The following CDK5RAP2 variants were observed in gnomAD, a reference collection of about 807,000 sequenced individuals.
CDK5RAP2 encodes CDK5 regulatory subunit-associated protein 2.
A neutral mutation model predicts 232.9 loss-of-function variants in CDK5RAP2; 147 were observed. That is an observed-to-expected ratio of 0.63 (90% CI 0.55 to 0.72). CDK5RAP2 has a LOEUF of 0.72. Ranked by LOEUF, CDK5RAP2 falls within the 30% of genes least tolerant of loss-of-function variation. The pLI is 0.00. For synonymous variants in CDK5RAP2, 833 were observed against 833.7 expected (o/e 1.00, Z 0.01); for missense variants, 2,195 against 2,231.5 (o/e 0.98, Z 0.33).
At chr9:120,553,127 TTAAAG>T (rs1164603762) in intron 3 of CDK5RAP2, among the ~76,000 whole-genome samples, 2 of 152,178 alleles carry the variant, frequency 1.3e-5, no homozygotes, top group Admixed American at 1.3e-4. Flanking sequence ...ATCTCAATTC[TTAAAG>T]TAACACTGCA....
At chr9:120,458,395 G>C (rs2036901751) in intron 20 of CDK5RAP2, 55 bp downstream of exon 20, 1 of 1,559,324 alleles carries the variant, frequency 6.4e-7, no homozygotes, top group Admixed American at 1.7e-5. Context: ...AGCAAAATGA[G>C]TTTGTTCTCC....
At chr9:120,486,913 G>A (rs1246617105) in intron 14 of CDK5RAP2, among the ~76,000 whole-genome samples, 1 of 152,200 alleles carries the variant, frequency 6.6e-6, no homozygotes, top group African/African-American at 2.4e-5. Context: ...GGCGACGAAA[G>A]AAAATGAGAT....
rs1034427774 is a variant in CDK5RAP2, at chr9:120,533,216, A to C, written c.663-3076T>G. ...ATCTATCCCCTCCCACACTGAGAGC[A>C]CCATAGAAGCAGGACAACGTTCAGC... On this transcript the variant is annotated intron_variant, in intron 7 of 37. Coordinates refer to ENST00000349780, the MANE Select transcript of CDK5RAP2 (RefSeq NM_018249.6). Among the ~76,000 whole-genome samples, 20 of 152,056 alleles carry C rather than the reference A, an allele frequency of 1.3e-4. 1 individual carries two copies.
intron 25 of CDK5RAP2, among the ~76,000 whole-genome samples, chr9:120,430,811 A>T (rs2035239946): frequency 6.6e-6 from 1 of 152,176 alleles, no homozygotes; most frequent in South Asian, 2.1e-4. Flanking sequence ...ACACATGCAC[A>T]CATATGTTTA....
At chr9:120,504,549 A>G (rs1050542408) in intron 12 of CDK5RAP2, among the ~76,000 whole-genome samples, 4 of 152,200 alleles carry the variant, frequency 2.6e-5, no homozygotes, top group Non-Finnish European at 5.9e-5. Context: ...GCTCCCAGCC[A>G]GTCAGCTGCA....
At chr9:120,408,088 T>A in intron 31 of CDK5RAP2, 1 of 505,702 alleles carries the variant, frequency 2.0e-6, no homozygotes, top group South Asian at 2.0e-5. Context: ...AGTGGCCTAC[T>A]GAGGGTCACA....
chr9:120,457,138 C>A (rs983362565), intron 20 of CDK5RAP2, among the ~76,000 whole-genome samples: 5 of 152,064 alleles, frequency 3.3e-5, no homozygotes, highest in African/African-American at 1.2e-4. Context: ...TTTTAAAAAC[C>A]CATTTTACAG....
intron 20 of CDK5RAP2, among the ~76,000 whole-genome samples, chr9:120,456,734 T>C (rs1194872520): frequency 9.9e-5 from 15 of 152,194 alleles, no homozygotes. Context: ...GTAATGACAA[T>C]TGTTATTTGG....
At chr9:120,497,133 A>T (rs1305404285) in intron 12 of CDK5RAP2, among the ~76,000 whole-genome samples, 2 of 130,260 alleles carry the variant, frequency 1.5e-5, no homozygotes, top group East Asian at 5.1e-4. Flanking sequence ...GCTCTCTGAA[A>T]CATGTGCTGT....
Position 120,388,992 on chromosome 9 carries a change from G to C in CDK5RAP2, c.*244C>G, listed in dbSNP as rs896884575. 1.7e-6 allele frequency: 1 copy of C among 585,058 alleles called. No individual in the cohort carries two copies. Among genetic ancestry groups the C allele is most frequent in the Non-Finnish European group, 3.0e-6 (1 of 330,214 alleles). 36.2% of individuals were successfully genotyped at this position (585,058 alleles called of 1,614,324 possible). ...GCGCACAGCCTCAACTCCGGTGCCT[G>C]CCCCTGATCTGAAATACAACATCCA... On this transcript the variant is annotated 3_prime_UTR_variant, in exon 38 of 38. Coordinates refer to ENST00000349780, the MANE Select transcript of CDK5RAP2 (RefSeq NM_018249.6).
chr9:120,491,147 C>CT (rs898058962), intron 13 of CDK5RAP2, among the ~76,000 whole-genome samples, 160 bp downstream of exon 13: 4 of 152,166 alleles, frequency 2.6e-5, no homozygotes, highest in Non-Finnish European at 5.9e-5. Context: ...CCACACTTAC[C>CT]TCCCTGGTGG....
chr9:120,478,484 T>C (rs2038136228), intron 14 of CDK5RAP2, among the ~76,000 whole-genome samples: 1 of 152,122 alleles, frequency 6.6e-6, no homozygotes, highest in African/African-American at 2.4e-5. Flanking sequence ...TATGTAACAA[T>C]ACCCTGGCCA....
chr9:120,573,548 CAA>C (rs751907820), intron 1 of CDK5RAP2, among the ~76,000 whole-genome samples: 2 of 91,790 alleles, frequency 2.2e-5, no homozygotes, highest in Admixed American at 1.2e-4. Context: ...GACTCCATCT[CAA>C]AAAAAAAAAA....
At chr9:120,520,788 A>G (rs1228738682) in intron 11 of CDK5RAP2, among the ~76,000 whole-genome samples, 4 of 143,090 alleles carry the variant, frequency 2.8e-5, no homozygotes, top group East Asian at 4.2e-4. Flanking sequence ...CTCATGAGAT[A>G]TATCTCATAT....
intron 36 of CDK5RAP2, among the ~76,000 whole-genome samples, chr9:120,390,826 T>C (rs1245310699): frequency 6.6e-6 from 1 of 152,216 alleles, no homozygotes; most frequent in Non-Finnish European, 1.5e-5. Context: ...GTCTGTCGTG[T>C]GGTGGCCTTG....
In CDK5RAP2 at chr9:120,551,022, T is replaced by G. The variant is rs202032740; in HGVS notation, c.196-120A>C. 17 of 705,032 alleles carry G rather than the reference T, an allele frequency of 2.4e-5. No individual in the cohort carries two copies. In the East Asian group the frequency reaches 4.5e-4, roughly 19 times the overall value. 43.7% of individuals were successfully genotyped at this position (705,032 alleles called of 1,614,324 possible). ...CAAAACTGATTCAAATGTTAAATAC[T>G]AGAGAAAGCTTATTTTTGCTACCAT... On this transcript the variant is annotated intron_variant, in intron 3 of 37. Transcript: ENST00000349780.
chr9:120,573,607 A>G (rs2042931901), intron 1 of CDK5RAP2, among the ~76,000 whole-genome samples: 1 of 152,112 alleles, frequency 6.6e-6, no homozygotes, highest in Non-Finnish European at 1.5e-5. Flanking sequence ...GAAAAAACGT[A>G]AACAGAATAT....
intron 12 of CDK5RAP2, chr9:120,517,769 C>G (rs2040403080): frequency 4.2e-6 from 1 of 240,522 alleles, no homozygotes; most frequent in Non-Finnish European, 8.6e-6. Context: ...CTATCAGGAA[C>G]AATCAGTGAG....
chr9:120,569,728 A>C (rs1183633274), intron 2 of CDK5RAP2, among the ~76,000 whole-genome samples: 1 of 152,160 alleles, frequency 6.6e-6, no homozygotes, highest in African/African-American at 2.4e-5. Flanking sequence ...GTTTGCAGCT[A>C]AGGAGTAAGA....
Sources: gnomAD v4.1 joint callset for allele counts (sites outside exome capture counted in the v4.1 genomes callset) on GRCh38, gnomAD v4.1.1 for gene constraint, MANE v1.5 for transcripts, NCBI Gene and HGNC (gene_info 2026-07-23, HGNC 2026-07-21) for gene names.